Variants in ZNF652 observed in about 807,000 individuals in gnomAD.
ZNF652 encodes the protein zinc finger protein 652.
Under a neutral mutation model 45.2 loss-of-function variants are expected in ZNF652, and 16 were observed. The observed-to-expected ratio is 0.35, with a 90% CI of 0.24 to 0.54. The LOEUF is 0.54. Ranked by LOEUF, ZNF652 falls within the 20% of genes least tolerant of loss-of-function variation. The probability of loss-of-function intolerance (pLI) is 0.91; values close to 1 mark genes in which losing one functional copy is unlikely to be tolerated. For synonymous variants in ZNF652, 250 were observed against 260.6 expected, an observed-to-expected ratio of 0.96 and a Z score of 0.39; for missense variants, 614 against 765.6, an observed-to-expected ratio of 0.80 and a Z score of 2.34.
In ZNF652 at chr17:49,317,389, T is replaced by G; in HGVS notation, c.337A>C (p.Lys113Gln). 3 of 1,614,124 alleles carry G rather than the reference T, an allele frequency of 1.9e-6. No homozygotes were observed. The East Asian group carries it at 6.7e-5, about 36-fold the overall frequency. The change falls in exon 2 of 6, where the codon AAA (lysine) becomes CAA (glutamine). Residue 113 changes from lysine (K) to glutamine (Q), a missense_variant. By Grantham distance (53) the Lys-to-Gln change is moderately conservative. This residue lies in a region of ZNF652 where 6 missense variants were observed against 22.9 expected (regional missense o/e 0.26). Transcript: ENST00000430262. The stretch of plus-strand genomic sequence containing the variant: ...ACCTCCACTATGATCTGCTCCCTTT[T>G]GTAAGAGACTTCTTCCTCTTCCTCC... ...TEEEEEEVSY[K>Q]REQIIVEVNL...
rs544308955 is a variant in ZNF652, at chr17:49,335,441, TTG to T, written c.-258-17460_-258-17459del. On this transcript the variant is annotated intron_variant, in intron 1 of 5. Coordinates refer to ENST00000430262, the MANE Select transcript of ZNF652 (RefSeq NM_001145365.3). Reference sequence around the variant, plus strand: ...TGTTCTACAAGTTTGTGCTGATTATTTGTGTCTATTCTGTTACCTAATTCATC... The same window carrying T: ...TGTTCTACAAGTTTGTGCTGATTATTTGTCTATTCTGTTACCTAATTCATC... Among the ~76,000 whole-genome samples the T allele has an allele frequency of 1.4e-4, 21 of 152,290 alleles. No homozygotes were observed. In the East Asian group the frequency reaches 3.9e-3, roughly 28 times the overall value.
At chr17:49,308,466 C>T (rs2069662400) in intron 5 of ZNF652, among the ~76,000 whole-genome samples, 1 of 152,090 alleles carries the variant, frequency 6.6e-6, no homozygotes, top group Non-Finnish European at 1.5e-5. Context: ...CATGAGCCAC[C>T]ATGTCCAGGT....
rs200647419 is a variant in ZNF652 at position 49,298,742 on chromosome 17, C to T, written c.1492G>A (p.Val498Met). Reference protein sequence around the residue: ...KEKCFRVTSPVNVPPAVQIPL... With the variant: ...KEKCFRVTSPMNVPPAVQIPL... Reference sequence around the variant, plus strand: ...ATCTGGACAGCAGGTGGCACATTCACGGGGCTGGTCACCCGAAAGCACTTC... The same window carrying T: ...ATCTGGACAGCAGGTGGCACATTCATGGGGCTGGTCACCCGAAAGCACTTC... Residue 498 changes from valine (V) to methionine (M), a missense_variant, in exon 6 of 6, where the codon GTG (valine) becomes ATG (methionine). Transcript: ENST00000430262. The T allele has an allele frequency of 1.5e-5, 25 of 1,613,996 alleles. No individual in the cohort carries two copies. The highest frequency in any genetic ancestry group is 3.3e-5 in the South Asian group (3 of 91,064).
At chr17:49,309,151 T>A (rs972105510) in intron 5 of ZNF652, among the ~76,000 whole-genome samples, 1 of 151,864 alleles carries the variant, frequency 6.6e-6, no homozygotes, top group Non-Finnish European at 1.5e-5. Flanking sequence ...AGCATCTATG[T>A]GCCAAGCAGT....
intron 1 of ZNF652, among the ~76,000 whole-genome samples, chr17:49,326,792 T>C (rs2069960442): frequency 6.6e-6 from 1 of 152,174 alleles, no homozygotes; most frequent in Non-Finnish European, 1.5e-5. Flanking sequence ...ATGTATACTG[T>C]ATTGGGGGCA....
intron 1 of ZNF652, among the ~76,000 whole-genome samples, chr17:49,339,874 C>T (rs1347360874): frequency 1.3e-5 from 2 of 152,212 alleles, no homozygotes; most frequent in South Asian, 2.1e-4. Flanking sequence ...TCTGGGACAA[C>T]AGGCACATGC....
rs2069445755 is a variant in ZNF652, at chr17:49,294,513, T to C, written c.*3900A>G. 1 of 152,206 alleles carries C rather than the reference T, an allele frequency of 6.6e-6. No homozygotes were observed. The allele number at this position is 152,206 out of a possible 1,614,324, so 9.4% of individuals were successfully genotyped here. On this transcript the variant is annotated 3_prime_UTR_variant, in exon 6 of 6. Transcript: ENST00000430262. ...GCCACATGCCTTTAAATTGTTGTCT[T>C]TTCTTCATTCAAATTTAAAAATCTA...
At chr17:49,311,535 A>G (rs2069711782) in intron 4 of ZNF652, 79 bp from the exon 5 acceptor site, 1 of 1,419,904 alleles carries the variant, frequency 7.0e-7, no homozygotes, top group Non-Finnish European at 9.5e-7. Flanking sequence ...AGTCTCTGAT[A>G]CTAGGCTTAT....
chr17:49,298,663 G>A lies in ZNF652; in HGVS notation c.1571C>T (p.Thr524Ile). The change falls in exon 6 of 6, where the codon ACA becomes ATA. Residue 524 changes from threonine (T) to isoleucine (I), a missense_variant. By Grantham distance (89) the Thr-to-Ile change is moderately conservative. This residue lies in a region of ZNF652 where 132 missense variants were observed against 137.2 expected (regional missense o/e 0.96). Transcript: ENST00000430262. Reference sequence around the variant, plus strand: ...CATATTGATTGGAGGGGTTGGGGTTGTGGCTGTGTTCACCACAGAAGGAAC... The same window carrying A: ...CATATTGATTGGAGGGGTTGGGGTTATGGCTGTGTTCACCACAGAAGGAAC... ...TPVPSVVNTATTPTPPINMNP... is the reference protein window; with the variant it reads ...TPVPSVVNTAITPTPPINMNP... 6.2e-7 allele frequency: 1 copy of A among 1,613,946 alleles called. No homozygotes were observed. The highest frequency in any genetic ancestry group is 8.5e-7 in the Non-Finnish European group (1 of 1,180,018).
At chr17:49,343,254 A>T (rs1347746624) in intron 1 of ZNF652, among the ~76,000 whole-genome samples, 1 of 152,264 alleles carries the variant, frequency 6.6e-6, no homozygotes, top group African/African-American at 2.4e-5. Context: ...TGCATATTTC[A>T]GTAAAACAAA....
intron 1 of ZNF652, among the ~76,000 whole-genome samples, chr17:49,358,029 G>A (rs1395681521): frequency 6.6e-6 from 1 of 152,190 alleles, no homozygotes; most frequent in Non-Finnish European, 1.5e-5. Context: ...ACTCCAACAT[G>A]CTCCATATCC....
chr17:49,319,448 C>A (rs146376399), intron 1 of ZNF652, among the ~76,000 whole-genome samples: 1 of 151,586 alleles, frequency 6.6e-6, no homozygotes, highest in South Asian at 2.1e-4. Context: ...TCCTGGCCAA[C>A]GTGGTGAAAC....
intron 2 of ZNF652, 127 bp downstream of exon 2, chr17:49,316,699 A>T: frequency 1.9e-6 from 2 of 1,037,794 alleles, no homozygotes; most frequent in Admixed American, 5.4e-5. Context: ...GGAGCTTTTC[A>T]AATGATAAAT....
At chr17:49,357,533 G>GT (rs1305504629) in intron 1 of ZNF652, among the ~76,000 whole-genome samples, 2 of 152,068 alleles carry the variant, frequency 1.3e-5, no homozygotes, top group Non-Finnish European at 2.9e-5. Flanking sequence ...AATTGAAATT[G>GT]TATTAGATAA....
intron 1 of ZNF652, among the ~76,000 whole-genome samples, chr17:49,339,203 T>TTC: frequency 6.8e-6 from 1 of 146,668 alleles, no homozygotes; most frequent in South Asian, 2.2e-4. Flanking sequence ...GGAAATTTTT[T>TTC]TTTTTTTTTT....
At chr17:49,298,960 T>C (rs770404056) in intron 5 of ZNF652, 36 bp from the exon 6 acceptor site, 12 of 1,564,272 alleles carry the variant, frequency 7.7e-6, no homozygotes, top group Non-Finnish European at 6.0e-6. Context: ...GATTAACATA[T>C]TAGGTGGTAA....
chr17:49,317,405 C>T lies in ZNF652; in HGVS notation c.321G>A (p.Glu107=), dbSNP rs763979215. 3.7e-6 allele frequency: 6 copies of T among 1,613,968 alleles called. No homozygotes were observed. The highest frequency in any genetic ancestry group is 5.1e-6 in the Non-Finnish European group (6 of 1,180,030). The change falls in exon 2 of 6, where the codon GAG becomes GAA. Residue 107 remains glutamate (E), a synonymous_variant. Transcript: ENST00000430262. ...RENSDDTEEE[E]EEVSYKREQI... is the part of the protein sequence containing the mutation. Reference sequence around the variant, plus strand: ...GCTCCCTTTTGTAAGAGACTTCTTCCTCTTCCTCCTCTGTGTCATCAGAAT... The same window carrying T: ...GCTCCCTTTTGTAAGAGACTTCTTCTTCTTCCTCCTCTGTGTCATCAGAAT...
chr17:49,342,230 G>C (rs552241762), intron 1 of ZNF652, among the ~76,000 whole-genome samples: 1 of 150,918 alleles, frequency 6.6e-6, no homozygotes, highest in Non-Finnish European at 1.5e-5. Flanking sequence ...GTATTTTTTC[G>C]CTTTGGTCTT....
In ZNF652 at chr17:49,294,934, C is replaced by T. The variant is rs915432804; in HGVS notation, c.*3479G>A. 2 of 152,108 alleles carry T rather than the reference C, an allele frequency of 1.3e-5. No homozygotes were observed. The highest frequency in any genetic ancestry group is 2.1e-4 in the South Asian group (1 of 4,828). The allele number at this position is 152,108 out of a possible 1,614,324, so 9.4% of individuals were successfully genotyped here. ...TTGAAGAATTCATGGGGTGCTGTAG[C>T]ATATATGGAAGAGAACATACCACAT... On this transcript the variant is annotated 3_prime_UTR_variant, in exon 6 of 6. Transcript: ENST00000430262.
Sources: gnomAD v4.1 joint callset for allele counts (sites outside exome capture counted in the v4.1 genomes callset) on GRCh38, gnomAD v4.1.1 for gene constraint, gnomAD v4.1.1 regional missense constraint, MANE v1.5 for transcripts, NCBI Gene and HGNC (gene_info 2026-07-23, HGNC 2026-07-21) for gene names.